The following WDR72 variants were observed in gnomAD, a reference collection of about 807,000 sequenced individuals.
WDR72 encodes the protein WD repeat-containing protein 72.
A neutral mutation model predicts 124.2 loss-of-function variants in WDR72; 120 were observed. That is an observed-to-expected ratio of 0.97 (90% CI 0.83 to 1.12). WDR72 has a LOEUF of 1.12. Ranked by LOEUF, WDR72 falls within the 50% of genes most tolerant of loss-of-function variation. The probability of loss-of-function intolerance (pLI) is 0.00; values close to 1 mark genes in which losing one functional copy is unlikely to be tolerated. For synonymous variants in WDR72, 452 were observed against 441.7 expected (o/e 1.02, Z -0.29); for missense variants, 1,387 against 1,278.8 (o/e 1.08, Z -1.29).
chr15:53,665,608 TA>T lies in WDR72; in HGVS notation c.1925del (p.Leu642TyrfsTer29), dbSNP rs1204602825. On this transcript the variant is annotated frameshift_variant, in exon 14 of 20. Coordinates refer to ENST00000360509, the MANE Select transcript of WDR72 (RefSeq NM_182758.4). LOFTEE classifies it high-confidence loss of function. Reference protein sequence around the residue: ...RSSSPYQLGPLPCPGLQVESS... With the variant: ...RSSSPYQLGPXPCPGLQVESS... ...ACTCCACCTGCAGACCAGGGCAAGG[TA>T]ATGGCCCAAGCTGGTAGGGGCTGGA... 1 of 1,613,786 alleles carries T rather than the reference TA, an allele frequency of 6.2e-7. No individual in the cohort carries two copies. The highest frequency in any genetic ancestry group is 8.5e-7 in the Non-Finnish European group (1 of 1,179,842).
rs142308826 is a variant in WDR72 at position 53,721,294 on chromosome 15, G to A, written c.260+1508C>T. On this transcript the variant is annotated intron_variant, in intron 3 of 19. Transcript: ENST00000360509. ...ATTAACCCCTAGTTTCTCTTTTGGA[G>A]TTAGATCACTATGGGCAAAGATCTG... is the stretch of plus-strand genomic sequence containing the variant. Among the ~76,000 whole-genome samples the A allele has an allele frequency of 5.2e-3, 786 of 152,236 alleles. 8 individuals carry two copies. Among genetic ancestry groups the A allele is most frequent in the Non-Finnish European group, 9.0e-3 (610 of 68,012 alleles).
chr15:53,583,264 T>C (rs182730264), intron 18 of WDR72, among the ~76,000 whole-genome samples: 2 of 152,112 alleles, frequency 1.3e-5, no homozygotes, highest in Admixed American at 6.6e-5. Flanking sequence ...AAAGATATGC[T>C]AAAATTTTTT....
chr15:53,537,362 C>T (rs951757213), intron 18 of WDR72, among the ~76,000 whole-genome samples: 1 of 152,092 alleles, frequency 6.6e-6, no homozygotes, highest in Non-Finnish European at 1.5e-5. Context: ...TTTCCTTCAA[C>T]AAACATTGTT....
At chr15:53,758,155 G>A (rs2018963721) in intron 1 of WDR72, among the ~76,000 whole-genome samples, 2 of 151,870 alleles carry the variant, frequency 1.3e-5, no homozygotes, top group African/African-American at 2.4e-5. Context: ...ATGGACTGAC[G>A]CACACCACCA....
chr15:53,537,105 C>A (rs1159220976), intron 18 of WDR72, among the ~76,000 whole-genome samples: 1 of 152,130 alleles, frequency 6.6e-6, no homozygotes, highest in African/African-American at 2.4e-5. Flanking sequence ...CTGACTTATA[C>A]TGAGCATGAC....
intron 14 of WDR72, among the ~76,000 whole-genome samples, chr15:53,627,947 A>T (rs1368289058): frequency 1.3e-5 from 2 of 152,198 alleles, no homozygotes; most frequent in Admixed American, 6.5e-5. Flanking sequence ...TCATCAGATT[A>T]ATCTATGCTC....
chr15:53,626,486 C>T (rs968319639), intron 14 of WDR72, among the ~76,000 whole-genome samples: 1 of 152,152 alleles, frequency 6.6e-6, no homozygotes, highest in Admixed American at 6.5e-5. Flanking sequence ...TGGTGGACGG[C>T]GAGCCAAAGC....
chr15:53,729,244 C>G (rs1471025650), intron 2 of WDR72, among the ~76,000 whole-genome samples: 1 of 152,102 alleles, frequency 6.6e-6, no homozygotes, highest in African/African-American at 2.4e-5. Flanking sequence ...CACTGCCATT[C>G]ATTTGGTTTA....
At chr15:53,660,098 G>A (rs1281380380) in intron 14 of WDR72, among the ~76,000 whole-genome samples, 1 of 151,748 alleles carries the variant, frequency 6.6e-6, no homozygotes, top group Non-Finnish European at 1.5e-5. Flanking sequence ...GTTCTATGCT[G>A]CTTATTTTAT....
At position 53,702,271 on chromosome 15, in the gene WDR72, C is replaced by G; in HGVS notation, c.1432G>C (p.Asp478His). The G allele has an allele frequency of 6.2e-7, 1 of 1,614,082 alleles. No homozygotes were observed. Among genetic ancestry groups the G allele is most frequent in the South Asian group, 1.1e-5 (1 of 91,066 alleles). ...LYPHGLSSKLDQSWMLSGDLD... is the reference protein window; with the variant it reads ...LYPHGLSSKLHQSWMLSGDLD... ...TCCCCAGACAACATCCAACTTTGGTCTAATTTCGAAGAGAGACCATGTGGA... is the reference window on the plus strand; with the variant it reads ...TCCCCAGACAACATCCAACTTTGGTGTAATTTCGAAGAGAGACCATGTGGA... The change falls in exon 12 of 20, where the codon GAC becomes CAC. Residue 478 changes from aspartate to histidine, a missense_variant. Coordinates refer to ENST00000360509, the MANE Select transcript of WDR72 (RefSeq NM_182758.4).
intron 2 of WDR72, among the ~76,000 whole-genome samples, chr15:53,729,042 T>A (rs2018124561): frequency 6.6e-6 from 1 of 152,072 alleles, no homozygotes; most frequent in Admixed American, 6.6e-5. Flanking sequence ...CTATTCCTAT[T>A]CTCCAATCCC....
chr15:53,717,824 C>A (rs1008916933), intron 3 of WDR72, among the ~76,000 whole-genome samples: 1 of 152,118 alleles, frequency 6.6e-6, no homozygotes, highest in Non-Finnish European at 1.5e-5. Flanking sequence ...CATTTTCCCT[C>A]TGTTTATATC....
chr15:53,555,503 TC>T (rs1893896979), intron 18 of WDR72, among the ~76,000 whole-genome samples: 3 of 152,130 alleles, frequency 2.0e-5, no homozygotes. Flanking sequence ...ATCAGTTTTC[TC>T]CTTCTGGCTC....
intron 13 of WDR72, among the ~76,000 whole-genome samples, chr15:53,687,269 A>G (rs1024985842): frequency 6.7e-6 from 1 of 149,832 alleles, no homozygotes; most frequent in African/African-American, 2.5e-5. Context: ...TAATGAATCC[A>G]GGAGCTGGTT....
intron 14 of WDR72, among the ~76,000 whole-genome samples, chr15:53,657,263 C>CAAAAAAAAAAAA (rs10549551): frequency 3.5e-5 from 2 of 56,402 alleles, no homozygotes; most frequent in African/African-American, 1.5e-4. Flanking sequence ...GACTCCATCT[C>CAAAAAAAAAAAA]AAAAAAAAAA....
intron 13 of WDR72, among the ~76,000 whole-genome samples, chr15:53,671,048 C>T (rs901894268): frequency 1.3e-5 from 2 of 152,254 alleles, no homozygotes; most frequent in Non-Finnish European, 2.9e-5. Flanking sequence ...CTCTTCAGTA[C>T]ACCAGAATGG....
At chr15:53,546,548 A>G (rs918563825) in intron 18 of WDR72, among the ~76,000 whole-genome samples, 2 of 152,014 alleles carry the variant, frequency 1.3e-5, no homozygotes, top group East Asian at 3.9e-4. Context: ...TAGCATTGGG[A>G]GATATACCTA....
chr15:53,625,933 A>G (rs1906409), intron 14 of WDR72, among the ~76,000 whole-genome samples: 108,462 of 152,034 alleles, frequency 0.71, 38,708 homozygotes, highest in South Asian at 0.76. Context: ...GATTCAGAAA[A>G]ACAAAATGCT....
intron 14 of WDR72, among the ~76,000 whole-genome samples, chr15:53,638,820 T>C (rs945636781): frequency 6.6e-6 from 1 of 151,886 alleles, no homozygotes; most frequent in Non-Finnish European, 1.5e-5. Context: ...CTGACCAACA[T>C]GGCAAAACCC....
Sources: gnomAD v4.1 joint callset for allele counts (sites outside exome capture counted in the v4.1 genomes callset) on GRCh38, gnomAD v4.1.1 for gene constraint, MANE v1.5 for transcripts, NCBI Gene and HGNC (gene_info 2026-07-23, HGNC 2026-07-21) for gene names.